The following SPATA17 variants were observed in gnomAD, a reference collection of about 807,000 sequenced individuals.
SPATA17 encodes the protein spermatogenesis-associated protein 17.
A neutral mutation model predicts 62.2 loss-of-function variants in SPATA17; 53 were observed. The ratio of observed to expected loss-of-function variants is 0.85; its 90% CI spans 0.68 to 1.07. SPATA17 has a LOEUF of 1.07. Among genes scored for constraint, SPATA17 ranks in the 50% least tolerant of loss-of-function variants. The pLI, the probability that SPATA17 is intolerant of heterozygous loss-of-function variation, is 0.00. For synonymous variants in SPATA17, 146 were observed against 146.8 expected (o/e 0.99, Z 0.04); for missense variants, 466 against 425.5 (o/e 1.10, Z -0.84).
At position 217,708,493 on chromosome 1, in the gene SPATA17, A is replaced by T. The variant is rs183567630; in HGVS notation, c.395+25132A>T. 1.5e-4 allele frequency among the ~76,000 whole-genome samples: 23 copies of T among 152,316 alleles called. No homozygotes were observed. In the East Asian group the frequency reaches 4.4e-3, roughly 29 times the overall value. ...TCCTAGAAACATACAACCTCCCAAG[A>T]TTGAACCATGAAGAAATTTAATCCC... On this transcript the variant is annotated intron_variant, in intron 5 of 10. Coordinates refer to ENST00000366933, the MANE Select transcript of SPATA17 (RefSeq NM_138796.4).
intron 1 of SPATA17, among the ~76,000 whole-genome samples, chr1:217,637,709 T>G (rs1344974509): frequency 6.6e-6 from 1 of 152,182 alleles, no homozygotes; most frequent in East Asian, 1.9e-4. Context: ...AAATAGCAGC[T>G]TAGTTGAATA....
At chr1:217,662,404 G>A (rs1032530576) in intron 3 of SPATA17, among the ~76,000 whole-genome samples, 3 of 151,964 alleles carry the variant, frequency 2.0e-5, no homozygotes, top group South Asian at 2.1e-4. Context: ...TAAATTTTTT[G>A]TTGAAATGTA....
At chr1:217,696,465 G>A (rs1020799407) in intron 5 of SPATA17, among the ~76,000 whole-genome samples, 11 of 152,172 alleles carry the variant, frequency 7.2e-5, no homozygotes, top group African/African-American at 2.2e-4. Flanking sequence ...GCGTCGCTCC[G>A]CTCACGCTGG....
At chr1:217,723,506 G>A (rs759452162) in intron 5 of SPATA17, among the ~76,000 whole-genome samples, 12 of 151,898 alleles carry the variant, frequency 7.9e-5, no homozygotes, top group African/African-American at 1.7e-4. Flanking sequence ...ATTTTCCTCC[G>A]CTGAATTTAT....
At chr1:217,838,925 A>G (rs1274707415) in intron 9 of SPATA17, among the ~76,000 whole-genome samples, 1 of 152,136 alleles carries the variant, frequency 6.6e-6, no homozygotes, top group Non-Finnish European at 1.5e-5. Context: ...GATCTAAAGT[A>G]AGAAGAAAGC....
At chr1:217,809,239 G>A (rs1223320311) in intron 9 of SPATA17, among the ~76,000 whole-genome samples, 1 of 152,024 alleles carries the variant, frequency 6.6e-6, no homozygotes, top group Non-Finnish European at 1.5e-5. Context: ...ATTAAAAATG[G>A]CCTTCAGAAA....
At chr1:217,866,098 G>C (rs1001055984) in intron 10 of SPATA17, among the ~76,000 whole-genome samples, 1 of 152,124 alleles carries the variant, frequency 6.6e-6, no homozygotes, top group Admixed American at 6.5e-5. Context: ...ATGGAAAAAA[G>C]TTCTATGAGG....
chr1:217,865,707 G>A (rs968166849), intron 10 of SPATA17, among the ~76,000 whole-genome samples: 1 of 152,050 alleles, frequency 6.6e-6, no homozygotes, highest in Non-Finnish European at 1.5e-5. Context: ...AGCAAGATAA[G>A]GTTAAAATCA....
intron 9 of SPATA17, among the ~76,000 whole-genome samples, chr1:217,834,688 ATAAAGTAAAAAAG>A (rs1461931670): frequency 1.3e-5 from 2 of 152,178 alleles, no homozygotes; most frequent in Non-Finnish European, 2.9e-5. Flanking sequence ...TCAAAAGTGT[ATAAAGTAAAAAAG>A]TTACAGTAAG....
chr1:217,704,343 C>T (rs1235800000), intron 5 of SPATA17, among the ~76,000 whole-genome samples: 8 of 147,742 alleles, frequency 5.4e-5, no homozygotes, highest in Admixed American at 4.7e-4. Context: ...CTCCGCTTCC[C>T]GGGTTCACGC....
At chr1:217,825,420 A>G (rs913579660) in intron 9 of SPATA17, among the ~76,000 whole-genome samples, 53 of 152,052 alleles carry the variant, frequency 3.5e-4, no homozygotes, top group Admixed American at 9.8e-4. Context: ...CTTTTTATAC[A>G]GAACACTCAT....
intron 9 of SPATA17, among the ~76,000 whole-genome samples, chr1:217,856,995 C>T (rs919387885): frequency 3.3e-5 from 5 of 152,094 alleles, no homozygotes; most frequent in African/African-American, 9.7e-5. Flanking sequence ...TTATACGTAG[C>T]GAGAAGTTCT....
intron 9 of SPATA17, among the ~76,000 whole-genome samples, chr1:217,820,481 TG>T (rs1217513356): frequency 1.3e-5 from 2 of 151,646 alleles, no homozygotes; most frequent in African/African-American, 4.8e-5. Flanking sequence ...AACTTGAAAA[TG>T]GATTGAGTAT....
chr1:217,824,211 T>C (rs1674934559), intron 9 of SPATA17, among the ~76,000 whole-genome samples: 1 of 151,970 alleles, frequency 6.6e-6, no homozygotes, highest in Admixed American at 6.6e-5. Flanking sequence ...TCCCCATAAT[T>C]AGCAATTCCA....
chr1:217,676,292 G>A (rs1270921240), intron 4 of SPATA17, among the ~76,000 whole-genome samples: 1 of 152,120 alleles, frequency 6.6e-6, no homozygotes, highest in Admixed American at 6.6e-5. Flanking sequence ...TTTTGAGGAG[G>A]ATGTAACAAA....
At chr1:217,826,696 C>G (rs1436723565) in intron 9 of SPATA17, among the ~76,000 whole-genome samples, 1 of 151,942 alleles carries the variant, frequency 6.6e-6, no homozygotes, top group Non-Finnish European at 1.5e-5. Flanking sequence ...ATCTTTTCAA[C>G]CCAATAGTCA....
intron 6 of SPATA17, among the ~76,000 whole-genome samples, chr1:217,756,219 CT>C (rs1020435062): frequency 6.6e-6 from 1 of 151,790 alleles, no homozygotes; most frequent in African/African-American, 2.4e-5. Flanking sequence ...ATTATTCACT[CT>C]TTTTTTAATG....
chr1:217,825,680 T>A (rs1674984255), intron 9 of SPATA17, among the ~76,000 whole-genome samples: 1 of 152,046 alleles, frequency 6.6e-6, no homozygotes, highest in African/African-American at 2.4e-5. Context: ...ATTTACATCT[T>A]TAAATTTGTT....
intron 9 of SPATA17, among the ~76,000 whole-genome samples, chr1:217,821,740 A>G (rs1404242888): frequency 6.6e-6 from 1 of 152,070 alleles, no homozygotes; most frequent in East Asian, 1.9e-4. Context: ...GGATATCACT[A>G]TTTAACTGGT....
Sources: allele counts gnomAD v4.1 joint callset (sites outside exome capture counted in the v4.1 genomes callset), GRCh38; gene constraint gnomAD v4.1.1; transcripts MANE v1.5; gene names NCBI Gene and HGNC (gene_info 2026-07-23, HGNC 2026-07-21).